The following ENTREP2 variants were observed in gnomAD, a reference collection of about 807,000 sequenced individuals.
ENTREP2 encodes endosomal transmembrane epsin interactor 2, also known as protein ENTREP2.
At chr15:29,554,454 G>A in the ENTREP2 span, among the ~76,000 whole-genome samples, 1 of 151,764 alleles carries the variant, frequency 6.6e-6, no homozygotes, top group Non-Finnish European at 1.5e-5. Context: ...GAGCCGAAGG[G>A]GATTGGCCCT....
At chr15:29,663,284 C>A in the ENTREP2 span, among the ~76,000 whole-genome samples, 1 of 151,920 alleles carries the variant, frequency 6.6e-6, no homozygotes, top group Non-Finnish European at 1.5e-5. Flanking sequence ...CTTTGGGAGG[C>A]CAAGGCGGGC....
chr15:29,485,703 G>C, the ENTREP2 span, among the ~76,000 whole-genome samples: 1 of 152,178 alleles, frequency 6.6e-6, no homozygotes, highest in Non-Finnish European at 1.5e-5. Context: ...CAAAGGATCT[G>C]AATAGACATT....
the ENTREP2 span, among the ~76,000 whole-genome samples, chr15:29,215,785 C>G: frequency 1.3e-5 from 2 of 151,784 alleles, no homozygotes; most frequent in African/African-American, 4.8e-5. Flanking sequence ...TATGTGAGTC[C>G]TTATGTGTTG....
the ENTREP2 span, among the ~76,000 whole-genome samples, chr15:29,562,742 A>ATG: frequency 6.6e-6 from 1 of 151,772 alleles, no homozygotes; most frequent in African/African-American, 2.4e-5. Context: ...GGTTCTGTCT[A>ATG]TGTGTGTGTG....
At chr15:29,288,935 CA>C in the ENTREP2 span, among the ~76,000 whole-genome samples, 275 of 152,204 alleles carry the variant, frequency 1.8e-3, no homozygotes, top group African/African-American at 6.4e-3. Context: ...GGGCGGGGTG[CA>C]GAGGCTCACG....
At chr15:29,366,472 G>A in the ENTREP2 span, among the ~76,000 whole-genome samples, 1 of 152,134 alleles carries the variant, frequency 6.6e-6, no homozygotes, top group Non-Finnish European at 1.5e-5. Context: ...TAAAATGCAC[G>A]GTTCCTGACA....
chr15:29,584,516 A>G, the ENTREP2 span, among the ~76,000 whole-genome samples: 1 of 152,196 alleles, frequency 6.6e-6, no homozygotes, highest in Admixed American at 6.6e-5. Flanking sequence ...GTCATTTGCA[A>G]CAACATATAT....
the ENTREP2 span, among the ~76,000 whole-genome samples, chr15:29,541,343 G>T: frequency 6.6e-6 from 1 of 152,220 alleles, no homozygotes; most frequent in Non-Finnish European, 1.5e-5. Flanking sequence ...CCTAGAAACA[G>T]GATGGACACA....
At chr15:29,494,308 A>G in the ENTREP2 span, among the ~76,000 whole-genome samples, 2 of 152,246 alleles carry the variant, frequency 1.3e-5, no homozygotes, top group African/African-American at 2.4e-5. Context: ...GAAAAAAACT[A>G]AGACACAAGA....
At chr15:29,246,716 T>A in the ENTREP2 span, among the ~76,000 whole-genome samples, 5 of 151,174 alleles carry the variant, frequency 3.3e-5, no homozygotes, top group Non-Finnish European at 5.9e-5. Flanking sequence ...AAAAAAAAAA[T>A]TATTTGCATG....
chr15:29,294,310 C>T, the ENTREP2 span, among the ~76,000 whole-genome samples: 1 of 152,226 alleles, frequency 6.6e-6, no homozygotes, highest in Admixed American at 6.5e-5. Flanking sequence ...GGCCAGAGCC[C>T]AGAAGGAACC....
the ENTREP2 span, among the ~76,000 whole-genome samples, chr15:29,311,078 T>C: frequency 7.8e-6 from 1 of 127,884 alleles, no homozygotes; most frequent in African/African-American, 5.0e-5. Context: ...GATTGGGAAT[T>C]TTTTTTTTTA....
At chr15:29,595,253 A>AAAAAT in the ENTREP2 span, among the ~76,000 whole-genome samples, 35,328 of 149,540 alleles carry the variant, frequency 0.24, 4,561 homozygotes, top group East Asian at 0.39. Context: ...ACTCCGTCTC[A>AAAAAT]AAAATAAAAT....
chr15:29,147,789 A>G, the ENTREP2 span, among the ~76,000 whole-genome samples: 2 of 152,210 alleles, frequency 1.3e-5, no homozygotes, highest in Non-Finnish European at 2.9e-5. Flanking sequence ...ATTCCCCTCC[A>G]AGGTATATAC....
the ENTREP2 span, among the ~76,000 whole-genome samples, chr15:29,133,185 A>G: frequency 6.6e-6 from 1 of 151,930 alleles, no homozygotes; most frequent in Non-Finnish European, 1.5e-5. Context: ...AGGTCCTTCC[A>G]CATCTGCCTG....
the ENTREP2 span, among the ~76,000 whole-genome samples, chr15:29,326,526 A>G: frequency 2.0e-5 from 3 of 152,174 alleles, no homozygotes; most frequent in Admixed American, 1.3e-4. Flanking sequence ...TATAAGAACT[A>G]TATGTAGAAA....
the ENTREP2 span, among the ~76,000 whole-genome samples, chr15:29,356,428 C>A: frequency 6.7e-6 from 1 of 149,484 alleles, no homozygotes; most frequent in Non-Finnish European, 1.5e-5. Context: ...CACCTCGCCT[C>A]CCGAGTAGCT....
At chr15:29,463,830 A>G in the ENTREP2 span, among the ~76,000 whole-genome samples, 2 of 152,322 alleles carry the variant, frequency 1.3e-5, no homozygotes, top group East Asian at 3.9e-4. Flanking sequence ...GGCAGAACAG[A>G]TATACAAAAT....
the ENTREP2 span, among the ~76,000 whole-genome samples, chr15:29,155,283 T>C: frequency 3.0e-5 from 3 of 99,932 alleles, no homozygotes; most frequent in Admixed American, 2.0e-4. Flanking sequence ...CTCCATCTCA[T>C]AAAAAGAAAA....
Sources: allele counts gnomAD v4.1 joint callset (sites outside exome capture counted in the v4.1 genomes callset), GRCh38; gene constraint gnomAD v4.1.1; transcripts MANE v1.5; gene names NCBI Gene and HGNC (gene_info 2026-07-23, HGNC 2026-07-21).